NRXN1: variants seen among roughly 807,000 people sequenced by gnomAD.
NRXN1 encodes neurexin-1.
Under a neutral mutation model 150.9 loss-of-function variants are expected in NRXN1, and 39 were observed. That is an observed-to-expected ratio of 0.26 (90% CI 0.20 to 0.34). The LOEUF (loss-of-function observed/expected upper bound fraction) is 0.34, where lower values mean the gene tolerates loss of function less well. Among genes scored for constraint, NRXN1 ranks in the 10% least tolerant of loss-of-function variants. The pLI is 1.00. For missense variants in NRXN1, 1,815 were observed against 1,949.9 expected, an observed-to-expected ratio of 0.93 and a Z score of 1.30; for synonymous variants, 924 against 757.0, an observed-to-expected ratio of 1.22 and a Z score of -3.62.
At chr2:50,802,439 C>G (rs1707725268) in intron 5 of NRXN1, among the ~76,000 whole-genome samples, 2 of 150,586 alleles carry the variant, frequency 1.3e-5, no homozygotes, top group African/African-American at 4.9e-5. Context: ...TTGCAGTGAG[C>G]TGAGATCGCA....
chr2:50,354,232 C>G (rs1164182495), intron 17 of NRXN1, among the ~76,000 whole-genome samples: 1 of 152,024 alleles, frequency 6.6e-6, no homozygotes, highest in African/African-American at 2.4e-5. Flanking sequence ...TATAAATTCT[C>G]TTTACTACAG....
chr2:50,289,097 G>A (rs2072575692), intron 17 of NRXN1, among the ~76,000 whole-genome samples: 1 of 152,084 alleles, frequency 6.6e-6, no homozygotes, highest in Non-Finnish European at 1.5e-5. Flanking sequence ...AAATAGAACT[G>A]GATGGGAAGT....
chr2:50,281,415 G>C (rs2071448063), intron 17 of NRXN1, among the ~76,000 whole-genome samples: 1 of 152,026 alleles, frequency 6.6e-6, no homozygotes, highest in South Asian at 2.1e-4. Flanking sequence ...GTGCTATGGA[G>C]AGCCTTAGTG....
At chr2:50,427,205 T>C (rs1421658657) in intron 17 of NRXN1, among the ~76,000 whole-genome samples, 2 of 152,188 alleles carry the variant, frequency 1.3e-5, no homozygotes, top group Non-Finnish European at 2.9e-5. Context: ...CAGAAAGTTA[T>C]AGGACGATAT....
At chr2:50,820,710 G>A (rs1280236561) in intron 5 of NRXN1, among the ~76,000 whole-genome samples, 5 of 152,098 alleles carry the variant, frequency 3.3e-5, no homozygotes, top group African/African-American at 4.8e-5. Flanking sequence ...GAACATTGTT[G>A]TTTTCAGTTG....
intron 5 of NRXN1, among the ~76,000 whole-genome samples, chr2:50,870,056 A>G (rs950653929): frequency 6.6e-6 from 1 of 151,894 alleles, no homozygotes; most frequent in African/African-American, 2.4e-5. Flanking sequence ...ATAATATTGT[A>G]ATTGGATTCT....
intron 18 of NRXN1, among the ~76,000 whole-genome samples, chr2:50,152,078 T>C (rs1328071405): frequency 6.6e-6 from 1 of 151,764 alleles, no homozygotes; most frequent in Non-Finnish European, 1.5e-5. Context: ...TCTTAACCAT[T>C]TTAAGTATAC....
At chr2:50,845,049 C>T (rs142106998) in intron 5 of NRXN1, among the ~76,000 whole-genome samples, 164 of 151,616 alleles carry the variant, frequency 1.1e-3, no homozygotes, top group African/African-American at 3.8e-3. Flanking sequence ...TGTAGATAGG[C>T]TCCCCCATAT....
chr2:50,636,638 C>G (rs548767419), intron 5 of NRXN1, among the ~76,000 whole-genome samples: 11 of 152,186 alleles, frequency 7.2e-5, no homozygotes. Context: ...CCATAGCAAC[C>G]CCTACCTCTT....
chr2:50,875,595 T>C (rs1164117815), intron 5 of NRXN1, among the ~76,000 whole-genome samples: 1 of 151,764 alleles, frequency 6.6e-6, no homozygotes, highest in Non-Finnish European at 1.5e-5. Flanking sequence ...GCCTAACCAA[T>C]TACAATAGGC....
At chr2:50,243,666 TA>T (rs1178977868) in intron 17 of NRXN1, among the ~76,000 whole-genome samples, 1 of 151,854 alleles carries the variant, frequency 6.6e-6, no homozygotes, top group Non-Finnish European at 1.5e-5. Context: ...GACACTGTCA[TA>T]CCTCCAGTAT....
At chr2:50,079,274 G>T (rs1219574226) in intron 19 of NRXN1, among the ~76,000 whole-genome samples, 1 of 151,938 alleles carries the variant, frequency 6.6e-6, no homozygotes, top group Admixed American at 6.6e-5. Context: ...TCTCTCAGGG[G>T]TCAATAAAGT....
chr2:50,922,955 T>C (rs1686288983), intron 3 of NRXN1, among the ~76,000 whole-genome samples: 1 of 151,892 alleles, frequency 6.6e-6, no homozygotes, highest in Admixed American at 6.6e-5. Flanking sequence ...CACAAGAGCA[T>C]GACTTAAAAT....
intron 17 of NRXN1, among the ~76,000 whole-genome samples, chr2:50,245,252 T>C (rs899611296): frequency 1.3e-5 from 2 of 151,934 alleles, no homozygotes; most frequent in African/African-American, 4.8e-5. Context: ...CCAGGTTACC[T>C]GGCTGAGTAG....
intron 17 of NRXN1, among the ~76,000 whole-genome samples, chr2:50,449,823 TC>T (rs1052205957): frequency 2.0e-5 from 3 of 152,252 alleles, no homozygotes; most frequent in Admixed American, 6.5e-5. Flanking sequence ...ATTATATAAT[TC>T]CTACTAGTTT....
intron 17 of NRXN1, among the ~76,000 whole-genome samples, chr2:50,251,352 G>C (rs906023338): frequency 7.3e-6 from 1 of 136,366 alleles, no homozygotes; most frequent in Non-Finnish European, 1.6e-5. Context: ...CTCTGCAGAA[G>C]ACACGATCTC....
At chr2:50,800,021 A>C (rs1210931680) in intron 5 of NRXN1, among the ~76,000 whole-genome samples, 1 of 152,176 alleles carries the variant, frequency 6.6e-6, no homozygotes, top group African/African-American at 2.4e-5. Flanking sequence ...AAATGAGAGA[A>C]ATGGTTTCAC....
At chr2:50,338,707 GA>G (rs56387541) in intron 17 of NRXN1, among the ~76,000 whole-genome samples, 38,130 of 135,100 alleles carry the variant, frequency 0.28, 5,176 homozygotes, top group East Asian at 0.57. Flanking sequence ...ATTAGAAAGA[GA>G]AAAAAAAAAA....
At position 50,879,734 on chromosome 2, in the gene NRXN1, C is replaced by T. The variant is rs1276165588; in HGVS notation, c.832+42135G>A. On this transcript the variant is annotated intron_variant, in intron 5 of 22. Transcript: ENST00000401669. ...TAATTAGAATTCTCTCTTTCCACCT[C>T]TGTTTTTCTTGCTATTCTGAAGTGC... 6.2e-4 allele frequency among the ~76,000 whole-genome samples: 94 copies of T among 151,894 alleles called. 1 individual carries two copies. The highest frequency in any genetic ancestry group is 1.8e-4 in the Non-Finnish European group (12 of 67,930).
Sources: gnomAD v4.1 joint callset for allele counts (sites outside exome capture counted in the v4.1 genomes callset) on GRCh38, gnomAD v4.1.1 for gene constraint, MANE v1.5 for transcripts, NCBI Gene and HGNC (gene_info 2026-07-23, HGNC 2026-07-21) for gene names.